The following ELP4 variants were observed in gnomAD, a reference collection of about 807,000 sequenced individuals.
The protein encoded by ELP4 is elongator complex protein 4.
In ELP4, 51 loss-of-function variants were observed where a neutral mutation model predicts 48.9. The observed-to-expected ratio is 1.04, with a 90% confidence interval of 0.83 to 1.32. The LOEUF is 1.32. Among genes scored for constraint, ELP4 ranks in the 40% most tolerant of loss-of-function variants. The probability of loss-of-function intolerance (pLI) is 0.00; values close to 1 mark genes in which losing one functional copy is unlikely to be tolerated. For synonymous variants in ELP4, 210 were observed against 189.2 expected (o/e 1.11, Z -0.90); for missense variants, 519 against 514.6 (o/e 1.01, Z -0.08).
intron 9 of ELP4, among the ~76,000 whole-genome samples, chr11:31,781,718 C>T (rs2134287325): frequency 6.6e-6 from 1 of 151,934 alleles, no homozygotes; most frequent in South Asian, 2.1e-4. Flanking sequence ...AGGATGGTCT[C>T]CATCTCTTGA....
intron 9 of ELP4, among the ~76,000 whole-genome samples, chr11:31,659,244 G>A (rs1177683618): frequency 6.6e-6 from 1 of 152,070 alleles, no homozygotes; most frequent in Non-Finnish European, 1.5e-5. Flanking sequence ...ATCACTCCAA[G>A]TCACAGTAGA....
chr11:31,599,434 A>G (rs1044789292), intron 4 of ELP4: 2 of 150,878 alleles, frequency 1.3e-5, no homozygotes, highest in African/African-American at 4.9e-5. Context: ...ATCACTCGTC[A>G]TTATCTGCTT....
intron 5 of ELP4, among the ~76,000 whole-genome samples, chr11:31,617,274 A>G (rs1338037517): frequency 2.0e-5 from 3 of 152,140 alleles, no homozygotes; most frequent in African/African-American, 7.2e-5. Flanking sequence ...ATATGTAAAA[A>G]TACATATTAC....
At chr11:31,646,295 A>G (rs1028868037) in intron 7 of ELP4, 3 of 151,850 alleles carry the variant, frequency 2.0e-5, no homozygotes, top group Admixed American at 2.0e-4. Context: ...CTTTTTAACA[A>G]CACTGATCCA....
At chr11:31,581,183 T>G (rs988351936) in intron 3 of ELP4, among the ~76,000 whole-genome samples, 24 of 152,314 alleles carry the variant, frequency 1.6e-4, no homozygotes, top group African/African-American at 5.8e-4. Context: ...ATGGACAGCT[T>G]GCTTCCTAGG....
At chr11:31,528,975 G>A (rs779470461) in intron 2 of ELP4, among the ~76,000 whole-genome samples, 2 of 151,820 alleles carry the variant, frequency 1.3e-5, no homozygotes, top group Admixed American at 6.6e-5. Context: ...TTGTGGATCC[G>A]GAATGGAACT....
chr11:31,756,916 A>G (rs890863856), intron 9 of ELP4, among the ~76,000 whole-genome samples: 6 of 152,222 alleles, frequency 3.9e-5, no homozygotes, highest in Admixed American at 6.5e-5. Context: ...GCTGATAACA[A>G]TGGTATTGAG....
At chr11:31,682,341 T>A (rs1946070935) in intron 9 of ELP4, among the ~76,000 whole-genome samples, 1 of 152,128 alleles carries the variant, frequency 6.6e-6, no homozygotes, top group Non-Finnish European at 1.5e-5. Flanking sequence ...GCTGCTATTG[T>A]TAGAAAAGTG....
At chr11:31,662,445 A>G in intron 9 of ELP4, 1 of 393,934 alleles carries the variant, frequency 2.5e-6, no homozygotes, top group Non-Finnish European at 4.5e-6. Flanking sequence ...ATCCAGCTCC[A>G]TGTTGTTGTT....
chr11:31,694,768 G>A (rs140307854), intron 9 of ELP4, among the ~76,000 whole-genome samples: 1,683 of 152,218 alleles, frequency 0.011, 73 homozygotes, highest in Admixed American at 0.087. Context: ...CCATTTTCAC[G>A]ATATTGATTC....
intron 9 of ELP4, among the ~76,000 whole-genome samples, chr11:31,749,856 ATTT>A (rs1365172448): frequency 3.6e-5 from 5 of 140,226 alleles, no homozygotes; most frequent in African/African-American, 2.6e-5. Context: ...CCTTTATGAC[ATTT>A]TTTTTTTTTT....
At chr11:31,666,031 CAG>C (rs1254401309) in intron 9 of ELP4, among the ~76,000 whole-genome samples, 2 of 70,540 alleles carry the variant, frequency 2.8e-5, no homozygotes, top group African/African-American at 6.5e-5. Context: ...TTTTTTGTGA[CAG>C]AGTTTCACTC....
chr11:31,649,256 T>G (rs538339537), intron 8 of ELP4: 9 of 151,810 alleles, frequency 5.9e-5, no homozygotes, highest in African/African-American at 1.9e-4. Context: ...TGTCTCTTTG[T>G]TCAAATCTGT....
chr11:31,640,371 TAAAG>T (rs1945070027), intron 7 of ELP4, among the ~76,000 whole-genome samples: 1 of 151,946 alleles, frequency 6.6e-6, no homozygotes, highest in Admixed American at 6.6e-5. Context: ...TACTTTCCCT[TAAAG>T]AAAGATTACC....
At chr11:31,735,343 G>A (rs1209725572) in intron 9 of ELP4, among the ~76,000 whole-genome samples, 7 of 152,002 alleles carry the variant, frequency 4.6e-5, no homozygotes, top group African/African-American at 1.7e-4. Context: ...AAAAGCACAG[G>A]TAACAAAAGC....
intron 9 of ELP4, among the ~76,000 whole-genome samples, chr11:31,751,436 A>G (rs1389617800): frequency 6.6e-6 from 1 of 152,206 alleles, no homozygotes; most frequent in Non-Finnish European, 1.5e-5. Flanking sequence ...CCAAAACTTT[A>G]CTGTCAGACA....
At chr11:31,744,632 C>T (rs1947537474) in intron 9 of ELP4, among the ~76,000 whole-genome samples, 1 of 152,182 alleles carries the variant, frequency 6.6e-6, no homozygotes, top group Admixed American at 6.5e-5. Context: ...GAACCAAAGA[C>T]AAAAACCACA....
rs538673500 is a variant in ELP4 at position 31,615,489 on chromosome 11, T to C, written c.653+11582T>C. ...TATTATTTCTGTTTATATTTTGAAA[T>C]TTATTATAAGAAACGTATTTTTATT... On this transcript the variant is annotated intron_variant, in intron 5 of 9. Transcript: ENST00000640961. Among the ~76,000 whole-genome samples the C allele has an allele frequency of 9.2e-5, 14 of 152,190 alleles. No individual in the cohort carries two copies. The South Asian group carries it at 2.9e-3, about 32-fold the overall frequency.
At chr11:31,564,266 A>G (rs768483632) in intron 3 of ELP4, among the ~76,000 whole-genome samples, 20 of 152,102 alleles carry the variant, frequency 1.3e-4, no homozygotes, top group Non-Finnish European at 2.8e-4. Flanking sequence ...TCATTAAGTC[A>G]TTTTTACTTG....
Sources: gnomAD v4.1 joint callset for allele counts (sites outside exome capture counted in the v4.1 genomes callset) on GRCh38, gnomAD v4.1.1 for gene constraint, MANE v1.5 for transcripts, NCBI Gene and HGNC (gene_info 2026-07-23, HGNC 2026-07-21) for gene names.